The following LHX2 variants were observed in gnomAD, a reference collection of about 807,000 sequenced individuals.
LHX2 encodes LIM homeobox 2.
LHX2 carries 6 observed loss-of-function variants against 33.0 expected under a neutral mutation model. That is an observed-to-expected ratio of 0.18 (90% CI 0.10 to 0.36). The LOEUF is 0.36. Ranked by LOEUF, LHX2 falls within the 10% of genes least tolerant of loss-of-function variation. The pLI, the probability that LHX2 is intolerant of heterozygous loss-of-function variation, is 1.00. For missense variants in LHX2, 442 were observed against 586.2 expected (o/e 0.75, Z 2.54); for synonymous variants, 292 against 253.1 (o/e 1.15, Z -1.46).
intron 3 of LHX2, among the ~76,000 whole-genome samples, chr9:124,017,658 T>G (rs964977966): frequency 3.9e-5 from 6 of 152,178 alleles, no homozygotes; most frequent in Non-Finnish European, 7.4e-5. Context: ...GACGACCCCT[T>G]GCAAAGCCTC....
Position 124,012,131 on chromosome 9 carries a change from C to G in LHX2, c.-218C>G, listed in dbSNP as rs1335747722. On this transcript the variant is annotated 5_prime_UTR_variant, in exon 1 of 5. Transcript: ENST00000373615. The surrounding 1 kb of genome is among the most constrained non-coding windows in gnomAD (Gnocchi z 4.3). ...CTTTGGCGCCGTCGCCCAGGCGCCC[C>G]GCAATGTAGCTGCCCCTGCGCCTCG... 1 of 226,810 alleles carries G rather than the reference C, an allele frequency of 4.4e-6. No homozygotes were observed. The highest frequency in any genetic ancestry group is 8.2e-6 in the Non-Finnish European group (1 of 121,720). 14.0% of individuals were successfully genotyped at this position (226,810 alleles called of 1,614,324 possible).
intron 3 of LHX2, among the ~76,000 whole-genome samples, chr9:124,020,061 C>G (rs1265074263): frequency 6.6e-6 from 1 of 152,232 alleles, no homozygotes; most frequent in Non-Finnish European, 1.5e-5. Context: ...ACAAGGAGTA[C>G]TCCAGTGCTA....
rs1859099951 is a variant in LHX2 at position 124,012,152 on chromosome 9, CCTCG to C, written c.-196_-193del. ...GCCCCGCAATGTAGCTGCCCCTGCG[CCTCG>C]GCGGGAGGCGTCCTGCCCCGCGAGC... is the stretch of plus-strand genomic sequence containing the variant. On this transcript the variant is annotated 5_prime_UTR_variant, in exon 1 of 5. Transcript: ENST00000373615. The surrounding 1 kb of genome is among the most constrained non-coding windows in gnomAD (Gnocchi z 4.3). The C allele has an allele frequency of 3.5e-6, 1 of 288,394 alleles. No homozygotes were observed. The highest frequency in any genetic ancestry group is 5.8e-6 in the Non-Finnish European group (1 of 171,510). 17.9% of individuals were successfully genotyped at this position (288,394 alleles called of 1,614,324 possible).
intron 1 of LHX2, 22 bp from the exon 2 acceptor site, chr9:124,013,939 T>C (rs760018975): frequency 6.2e-6 from 10 of 1,606,154 alleles, no homozygotes; most frequent in African/African-American, 4.0e-5. Flanking sequence ...CGCTGCTGTC[T>C]TCCGCCTCCC....
Position 124,014,233 on chromosome 9 carries a change from C to A in LHX2, c.323+70C>A. 1 of 1,102,262 alleles carries A rather than the reference C, an allele frequency of 9.1e-7. No individual in the cohort carries two copies. The highest frequency in any genetic ancestry group is 1.4e-6 in the Non-Finnish European group (1 of 739,224). The allele number at this position is 1,102,262 out of a possible 1,614,324, so 68.3% of individuals were successfully genotyped here. A position where few individuals can be genotyped will look rare whatever the true frequency, so the allele number is the denominator to read the frequency against. ...CTCAGGCACAGTCTTACAGTTTGGCCCTCTCCTTTCCGTTTAGTCCCAGGA... is the reference window on the plus strand; with the variant it reads ...CTCAGGCACAGTCTTACAGTTTGGCACTCTCCTTTCCGTTTAGTCCCAGGA... On this transcript the variant is annotated intron_variant, in intron 2 of 4. Coordinates refer to ENST00000373615, the MANE Select transcript of LHX2 (RefSeq NM_004789.4). The surrounding 1 kb of genome is among the most constrained non-coding windows in gnomAD (Gnocchi z 4.8).
chr9:124,023,121 G>A (rs561549046), intron 4 of LHX2, among the ~76,000 whole-genome samples: 1 of 152,270 alleles, frequency 6.6e-6, no homozygotes, highest in East Asian at 1.9e-4. Flanking sequence ...TTCAGCCGTG[G>A]GTGAGTTCGG....
intron 3 of LHX2, among the ~76,000 whole-genome samples, chr9:124,017,931 G>T: frequency 6.6e-6 from 1 of 151,998 alleles, no homozygotes; most frequent in East Asian, 1.9e-4. Context: ...GAAAACGGCG[G>T]CAGGAGCGGG....
intron 3 of LHX2, among the ~76,000 whole-genome samples, chr9:124,018,577 C>G (rs960904000): frequency 6.6e-6 from 1 of 152,220 alleles, no homozygotes; most frequent in Admixed American, 6.5e-5. Flanking sequence ...AAAGGCCTCC[C>G]CCGCAGGGAC....
At chr9:124,030,446 G>C (rs564129437) in intron 4 of LHX2, among the ~76,000 whole-genome samples, 1 of 152,234 alleles carries the variant, frequency 6.6e-6, no homozygotes, top group Non-Finnish European at 1.5e-5. Context: ...GAAGTGAAGG[G>C]GCCCTGCCTT....
chr9:124,022,656 G>A (rs919181499), intron 4 of LHX2, among the ~76,000 whole-genome samples: 8 of 152,234 alleles, frequency 5.3e-5, no homozygotes, highest in East Asian at 3.9e-4. Flanking sequence ...AGGGATGACG[G>A]AGACGGAGGG....
intron 4 of LHX2, among the ~76,000 whole-genome samples, chr9:124,023,381 C>T (rs774231010): frequency 2.6e-5 from 4 of 152,162 alleles, no homozygotes; most frequent in African/African-American, 4.8e-5. Flanking sequence ...ATTCAAAGCC[C>T]TCCTGGGCAT....
Position 124,032,347 on chromosome 9 carries a change from C to T in LHX2, c.934-73C>T. The T allele has an allele frequency of 6.8e-7, 1 of 1,476,460 alleles. No individual in the cohort carries two copies. Among genetic ancestry groups the T allele is most frequent in the Non-Finnish European group, 9.1e-7 (1 of 1,104,344 alleles). The allele number at this position is 1,476,460 out of a possible 1,614,324, so 91.5% of individuals were successfully genotyped here. A position where few individuals can be genotyped will look rare whatever the true frequency, so the allele number is the denominator to read the frequency against. Reference sequence around the variant, plus strand: ...ATCAGCGTCCCCAGAGGCAGCAGAGCTCTGAGTGAAGCAGTCGGGGGGATG... The same window carrying T: ...ATCAGCGTCCCCAGAGGCAGCAGAGTTCTGAGTGAAGCAGTCGGGGGGATG... On this transcript the variant is annotated intron_variant, in intron 4 of 4. Coordinates refer to ENST00000373615, the MANE Select transcript of LHX2 (RefSeq NM_004789.4). The surrounding 1 kb of genome is among the most constrained non-coding windows in gnomAD (Gnocchi z 4.1).
rs1859103136 is a variant in LHX2, at chr9:124,012,256, G to A, written c.-93G>A. On this transcript the variant is annotated 5_prime_UTR_variant, in exon 1 of 5. Coordinates refer to ENST00000373615, the MANE Select transcript of LHX2 (RefSeq NM_004789.4). The surrounding 1 kb of genome is among the most constrained non-coding windows in gnomAD (Gnocchi z 4.3). ...CCGGGGCCGCGGTGGCGATGCACCG[G>A]GCCCGTTAGCGCCAGGAGCGCCAGG... 9 of 1,283,926 alleles carry A rather than the reference G, an allele frequency of 7.0e-6. No individual in the cohort carries two copies. Among genetic ancestry groups the A allele is most frequent in the Non-Finnish European group, 9.0e-6 (9 of 1,004,952 alleles). The allele number at this position is 1,283,926 out of a possible 1,614,324, so 79.5% of individuals were successfully genotyped here.
intron 3 of LHX2, among the ~76,000 whole-genome samples, chr9:124,017,605 G>T (rs984944380): frequency 6.6e-6 from 1 of 152,186 alleles, no homozygotes. Flanking sequence ...ACGGGGACAC[G>T]AGCTTGTTTG....
intron 1 of LHX2, among the ~76,000 whole-genome samples, chr9:124,013,171 C>T (rs1859122922): frequency 6.6e-6 from 1 of 152,242 alleles, no homozygotes; most frequent in Non-Finnish European, 1.5e-5. Flanking sequence ...GCCCGACCAG[C>T]GGGCCCAGAA....
intron 3 of LHX2, among the ~76,000 whole-genome samples, chr9:124,017,555 C>A (rs1202730371): frequency 1.3e-5 from 2 of 151,926 alleles, no homozygotes; most frequent in Non-Finnish European, 2.9e-5. Context: ...ACGGGGTGTG[C>A]GGGCGCGGGT....
At chr9:124,028,594 C>T (rs1199999907) in intron 4 of LHX2, among the ~76,000 whole-genome samples, 3 of 152,102 alleles carry the variant, frequency 2.0e-5, no homozygotes, top group Non-Finnish European at 4.4e-5. Flanking sequence ...CGTGGTAGTC[C>T]CAGGACTGGA....
At position 124,014,235 on chromosome 9, in the gene LHX2, T is replaced by G; in HGVS notation, c.323+72T>G. 9.7e-7 allele frequency: 1 copy of G among 1,034,726 alleles called. No individual in the cohort carries two copies. Among genetic ancestry groups the G allele is most frequent in the Non-Finnish European group, 1.4e-6 (1 of 694,074 alleles). 64.1% of individuals were successfully genotyped at this position (1,034,726 alleles called of 1,614,324 possible). A position where few individuals can be genotyped will look rare whatever the true frequency, so the allele number is the denominator to read the frequency against. On this transcript the variant is annotated intron_variant, in intron 2 of 4. Transcript: ENST00000373615. This position sits in a 1 kb window ranked among gnomAD's most constrained non-coding sequence, Gnocchi z 4.8. Reference sequence around the variant, plus strand: ...CAGGCACAGTCTTACAGTTTGGCCCTCTCCTTTCCGTTTAGTCCCAGGAGA... The same window carrying G: ...CAGGCACAGTCTTACAGTTTGGCCCGCTCCTTTCCGTTTAGTCCCAGGAGA...
chr9:124,018,845 C>T (rs1385787561), intron 3 of LHX2, among the ~76,000 whole-genome samples: 2 of 152,138 alleles, frequency 1.3e-5, no homozygotes, highest in Non-Finnish European at 2.9e-5. Context: ...GTCTTTTTCT[C>T]TCCTTTCTCT....
Sources: gnomAD v4.1 joint callset for allele counts (sites outside exome capture counted in the v4.1 genomes callset) on GRCh38, gnomAD v4.1.1 for gene constraint, Gnocchi (gnomAD v3.1) non-coding constraint, MANE v1.5 for transcripts, NCBI Gene and HGNC (gene_info 2026-07-23, HGNC 2026-07-21) for gene names.